PLEKHG4B: variants seen among roughly 807,000 people sequenced by gnomAD.
The protein encoded by PLEKHG4B is pleckstrin homology and RhoGEF domain containing G4B.
PLEKHG4B carries 111 observed loss-of-function variants against 121.3 expected under a neutral mutation model. That is an observed-to-expected ratio of 0.92 (90% CI 0.78 to 1.07). The LOEUF (loss-of-function observed/expected upper bound fraction) is 1.07. Ranked by LOEUF, PLEKHG4B falls within the 50% of genes least tolerant of loss-of-function variation. The pLI, the probability that PLEKHG4B is intolerant of heterozygous loss-of-function variation, is 0.00. For missense variants in PLEKHG4B, 1,831 were observed against 1,757.8 expected, an observed-to-expected ratio of 1.04 and a Z score of -0.74; for synonymous variants, 738 against 725.0, an observed-to-expected ratio of 1.02 and a Z score of -0.29.
Position 139,056 on chromosome 5 carries a change from G to A in PLEKHG4B, c.244-427G>A, listed in dbSNP as rs979804839. Among the ~76,000 whole-genome samples the A allele has an allele frequency of 6.6e-6, 1 of 152,218 alleles. No homozygotes were observed. Among genetic ancestry groups the A allele is most frequent in the African/African-American group, 2.4e-5 (1 of 41,454 alleles). On this transcript the variant is annotated intron_variant, in intron 2 of 19. Coordinates refer to ENST00000637938, the MANE Select transcript of PLEKHG4B (RefSeq NM_052909.5). This position sits in a 1 kb window ranked among gnomAD's most constrained non-coding sequence, Gnocchi z 5.0. ...CCGGGAGCCACAGGGAGCACCGGGAGTGCAGAGGAGGGAGCCCCCCATAGG... is the reference window on the plus strand; with the variant it reads ...CCGGGAGCCACAGGGAGCACCGGGAATGCAGAGGAGGGAGCCCCCCATAGG...
chr5:103,023 C>G (rs1045154856), intron 1 of PLEKHG4B, among the ~76,000 whole-genome samples: 3 of 152,210 alleles, frequency 2.0e-5, no homozygotes, highest in Non-Finnish European at 2.9e-5. Context: ...TTGCACCCCT[C>G]CATTGCAGAG....
At chr5:181,196 C>A (rs891616788) in intron 18 of PLEKHG4B, among the ~76,000 whole-genome samples, 4 of 152,222 alleles carry the variant, frequency 2.6e-5, no homozygotes, top group African/African-American at 4.8e-5. Flanking sequence ...TAATTGGGAC[C>A]TGCTGTGTGG....
chr5:189,313 G>T lies in PLEKHG4B; in HGVS notation c.*6990G>T, dbSNP rs553570246. ...CAGACCCCCTCACCCCGTGTCCACC[G>T]CCCATGGCCGGGCTCACAGTGTCTC... On this transcript the variant is annotated 3_prime_UTR_variant, in exon 20 of 20. Coordinates refer to ENST00000637938, the MANE Select transcript of PLEKHG4B (RefSeq NM_052909.5). 1.3e-5 allele frequency: 2 copies of T among 152,404 alleles called. No individual in the cohort carries two copies. The highest frequency in any genetic ancestry group is 4.8e-5 in the African/African-American group (2 of 41,452). 9.4% of individuals were successfully genotyped at this position (152,404 alleles called of 1,614,324 possible). A position where few individuals can be genotyped will look rare whatever the true frequency, so the allele number is the denominator to read the frequency against.
At chr5:136,315 G>C (rs1243075614) in intron 2 of PLEKHG4B, among the ~76,000 whole-genome samples, 3 of 152,106 alleles carry the variant, frequency 2.0e-5, no homozygotes, top group African/African-American at 7.2e-5. Flanking sequence ...GTGAAAAATA[G>C]GCTTCATCCA....
At chr5:106,278 G>A (rs913222256) in intron 1 of PLEKHG4B, among the ~76,000 whole-genome samples, 1 of 152,142 alleles carries the variant, frequency 6.6e-6, no homozygotes, top group Admixed American at 6.5e-5. Flanking sequence ...AGGAAAGCAC[G>A]AGTACTGCTG....
chr5:127,838 G>A (rs1367373904), intron 2 of PLEKHG4B, among the ~76,000 whole-genome samples: 2 of 152,170 alleles, frequency 1.3e-5, no homozygotes, highest in Non-Finnish European at 2.9e-5. Context: ...TGCCTGAGGT[G>A]GTCAGGGTAC....
intron 13 of PLEKHG4B, among the ~76,000 whole-genome samples, chr5:166,833 A>G (rs1162348897): frequency 6.6e-6 from 1 of 152,232 alleles, no homozygotes; most frequent in African/African-American, 2.4e-5. Context: ...CTCAGTGTTT[A>G]CCTTGTTAAA....
chr5:111,949 CTGTG>C (rs3866910), intron 1 of PLEKHG4B, among the ~76,000 whole-genome samples: 26,304 of 151,086 alleles, frequency 0.17, 3,078 homozygotes, highest in African/African-American at 0.33. Flanking sequence ...TTCTCATGGA[CTGTG>C]TGACCCTGGC....
rs1236845440 is a variant in PLEKHG4B at position 169,398 on chromosome 5, T to C, written c.3535T>C (p.Cys1179Arg). Reference protein sequence around the residue: ...MIATEREYIRCLGYVIDNYFP... With the variant: ...MIATEREYIRRLGYVIDNYFP... ...CGCCACAGAGAGGGAGTACATTCGG[T>C]GCTTAGGATACGTCATTGACAACTA... The change falls in exon 14 of 20, where the codon TGC (cysteine) becomes CGC (arginine). Residue 1179 changes from cysteine (C) to arginine (R), a missense_variant. Physicochemically the swap from Cys to Arg is radical, Grantham distance 180. Transcript: ENST00000637938. 1.2e-6 allele frequency: 2 copies of C among 1,613,970 alleles called. No homozygotes were observed. Among genetic ancestry groups the C allele is most frequent in the Admixed American group, 1.7e-5 (1 of 60,022 alleles).
intron 1 of PLEKHG4B, among the ~76,000 whole-genome samples, chr5:112,362 T>C (rs1290331925): frequency 6.6e-6 from 1 of 152,232 alleles, no homozygotes; most frequent in African/African-American, 2.4e-5. Flanking sequence ...CTTAGGAAAT[T>C]ATCTGTGTGA....
chr5:145,012 A>C (rs1344488729), intron 6 of PLEKHG4B, 92 bp downstream of exon 6: 8 of 1,179,582 alleles, frequency 6.8e-6, no homozygotes, highest in Non-Finnish European at 9.8e-6. Context: ...TGGAGTAGCC[A>C]GTCCACAGGC....
At chr5:133,309 C>G (rs942513628) in intron 2 of PLEKHG4B, among the ~76,000 whole-genome samples, 6 of 152,098 alleles carry the variant, frequency 3.9e-5, no homozygotes, top group African/African-American at 1.4e-4. Context: ...TCAGAGTTTT[C>G]TAGGTATATG....
At chr5:177,885 C>T (rs1264962867) in intron 18 of PLEKHG4B, among the ~76,000 whole-genome samples, 1 of 152,158 alleles carries the variant, frequency 6.6e-6, no homozygotes, top group Non-Finnish European at 1.5e-5. Flanking sequence ...ACTTTCGTCC[C>T]TTTTCTGTTG....
Position 144,885 on chromosome 5 carries a change from G to A in PLEKHG4B, c.1870G>A (p.Ala624Thr). 1 of 1,613,396 alleles carries A rather than the reference G, an allele frequency of 6.2e-7. No homozygotes were observed. The highest frequency in any genetic ancestry group is 8.5e-7 in the Non-Finnish European group (1 of 1,179,976). Reference sequence around the variant, plus strand: ...GGTGGATGCACGCAGGAGTCCAGCTGCCCCTGCCGTCTCCCAGGCCCTCTC... The same window carrying A: ...GGTGGATGCACGCAGGAGTCCAGCTACCCCTGCCGTCTCCCAGGCCCTCTC... ...VLVDARRSPA[A>T]PAVSQALSGL... Residue 624 changes from alanine to threonine, a missense_variant, in exon 6 of 20, where the codon GCC (alanine) becomes ACC (threonine). Ala to Thr is a moderately conservative substitution (Grantham distance 58). Coordinates refer to ENST00000637938, the MANE Select transcript of PLEKHG4B (RefSeq NM_052909.5).
intron 2 of PLEKHG4B, among the ~76,000 whole-genome samples, chr5:128,806 C>G (rs923556718): frequency 5.3e-5 from 8 of 152,132 alleles, no homozygotes; most frequent in African/African-American, 1.9e-4. Context: ...AGGGTGTAAA[C>G]CAGAAATGAA....
chr5:167,983 A>T (rs531660375), intron 13 of PLEKHG4B, among the ~76,000 whole-genome samples: 1 of 152,320 alleles, frequency 6.6e-6, no homozygotes, highest in East Asian at 1.9e-4. Flanking sequence ...TTTGCACGGG[A>T]GGTACCGTCT....
At chr5:129,818 T>C (rs1185174117) in intron 2 of PLEKHG4B, among the ~76,000 whole-genome samples, 2 of 152,212 alleles carry the variant, frequency 1.3e-5, no homozygotes, top group African/African-American at 2.4e-5. Context: ...ATGACCTTTT[T>C]TTTTTGTCAT....
At chr5:162,581 C>A in intron 12 of PLEKHG4B, 141 bp from the exon 13 acceptor site, 1 of 577,224 alleles carries the variant, frequency 1.7e-6, no homozygotes, top group Non-Finnish European at 2.7e-6. Flanking sequence ...ACAGCCCCCA[C>A]TGGGTGGCGG....
chr5:125,363 T>C (rs1734583243), intron 2 of PLEKHG4B, among the ~76,000 whole-genome samples: 1 of 152,218 alleles, frequency 6.6e-6, no homozygotes, highest in African/African-American at 2.4e-5. Flanking sequence ...TATAGCTATT[T>C]TCCTTTTGAT....
Sources: gnomAD v4.1 joint callset for allele counts (sites outside exome capture counted in the v4.1 genomes callset) on GRCh38, gnomAD v4.1.1 for gene constraint, Gnocchi (gnomAD v3.1) non-coding constraint, MANE v1.5 for transcripts, NCBI Gene and HGNC (gene_info 2026-07-23, HGNC 2026-07-21) for gene names.